KCND2: variants seen among roughly 807,000 people sequenced by gnomAD.
The protein encoded by KCND2 is potassium voltage-gated channel subfamily D member 2, also known as A-type voltage-gated potassium channel KCND2.
A neutral mutation model predicts 54.4 loss-of-function variants in KCND2; 16 were observed. The ratio of observed to expected loss-of-function variants is 0.29; its 90% confidence interval spans 0.20 to 0.45. The LOEUF is 0.45. Among genes scored for constraint, KCND2 ranks in the 20% least tolerant of loss-of-function variants. The pLI, the probability that KCND2 is intolerant of heterozygous loss-of-function variation, is 1.00. For missense variants in KCND2, 486 were observed against 824.2 expected, an observed-to-expected ratio of 0.59 and a Z score of 5.02; for synonymous variants, 317 against 310.7, an observed-to-expected ratio of 1.02 and a Z score of -0.21.
chr7:120,641,590 G>A (rs75703612), intron 1 of KCND2, among the ~76,000 whole-genome samples: 1,639 of 152,250 alleles, frequency 0.011, 9 homozygotes, highest in Non-Finnish European at 0.015. Flanking sequence ...GATGCAGTGG[G>A]CTGAAGGATA....
intron 1 of KCND2, among the ~76,000 whole-genome samples, chr7:120,377,198 C>A (rs1378372959): frequency 2.0e-5 from 3 of 151,830 alleles, no homozygotes; most frequent in South Asian, 4.1e-4. Flanking sequence ...GACTTAACTC[C>A]TTCTGAGGAT....
At chr7:120,495,865 A>G (rs115183061) in intron 1 of KCND2, among the ~76,000 whole-genome samples, 126 of 152,286 alleles carry the variant, frequency 8.3e-4, no homozygotes, top group Middle Eastern at 3.4e-3. Context: ...CTGGGCTTTG[A>G]AAAAGTAAAA....
chr7:120,689,811 A>G (rs1792247916), intron 1 of KCND2, among the ~76,000 whole-genome samples: 1 of 152,196 alleles, frequency 6.6e-6, no homozygotes, highest in African/African-American at 2.4e-5. Flanking sequence ...CAAAGACTAA[A>G]CAACTTTTAA....
chr7:120,410,969 C>G (rs1801442095), intron 1 of KCND2, among the ~76,000 whole-genome samples: 1 of 151,650 alleles, frequency 6.6e-6, no homozygotes, highest in African/African-American at 2.4e-5. Flanking sequence ...GGGTTGGTTC[C>G]AAGTTAGGAA....
chr7:120,402,919 A>G (rs1034951013), intron 1 of KCND2, among the ~76,000 whole-genome samples: 1 of 152,184 alleles, frequency 6.6e-6, no homozygotes, highest in African/African-American at 2.4e-5. Context: ...TAGATATTCA[A>G]TCCTTTAAGC....
At chr7:120,543,493 T>C (rs901412161) in intron 1 of KCND2, among the ~76,000 whole-genome samples, 2 of 152,108 alleles carry the variant, frequency 1.3e-5, no homozygotes, top group Non-Finnish European at 2.9e-5. Flanking sequence ...TAGTTAAAAA[T>C]GAATTCCTGA....
intron 1 of KCND2, among the ~76,000 whole-genome samples, chr7:120,299,639 C>G (rs991092885): frequency 4.6e-5 from 7 of 152,152 alleles, no homozygotes; most frequent in Non-Finnish European, 7.3e-5. Flanking sequence ...CTTCTTTCAT[C>G]AAGTTCTCTG....
intron 1 of KCND2, among the ~76,000 whole-genome samples, chr7:120,545,168 G>C (rs1288674482): frequency 1.3e-5 from 2 of 151,870 alleles, no homozygotes; most frequent in Non-Finnish European, 2.9e-5. Context: ...AAAGAAACTT[G>C]ATGTATGCTG....
chr7:120,495,448 G>A (rs1802835475), intron 1 of KCND2, among the ~76,000 whole-genome samples: 1 of 152,022 alleles, frequency 6.6e-6, no homozygotes, highest in Non-Finnish European at 1.5e-5. Flanking sequence ...TAAGGTCACT[G>A]TGTCCCTTTC....
At chr7:120,363,750 A>T (rs1278237361) in intron 1 of KCND2, among the ~76,000 whole-genome samples, 2 of 152,090 alleles carry the variant, frequency 1.3e-5, no homozygotes, top group African/African-American at 4.8e-5. Context: ...CAAACTCTTT[A>T]CAGTAGTCAA....
intron 1 of KCND2, among the ~76,000 whole-genome samples, chr7:120,471,684 C>T (rs780856502): frequency 6.6e-6 from 1 of 152,192 alleles, no homozygotes; most frequent in African/African-American, 2.4e-5. Context: ...CATGAGGAGA[C>T]TGATGATGAC....
intron 1 of KCND2, among the ~76,000 whole-genome samples, chr7:120,390,979 C>A (rs1343403925): frequency 6.6e-6 from 1 of 151,924 alleles, no homozygotes; most frequent in Non-Finnish European, 1.5e-5. Context: ...TATATATGTG[C>A]CATGGTGGTT....
intron 1 of KCND2, among the ~76,000 whole-genome samples, chr7:120,342,705 T>C (rs1800257994): frequency 6.6e-6 from 1 of 152,134 alleles, no homozygotes; most frequent in Non-Finnish European, 1.5e-5. Flanking sequence ...GAGTAGAATC[T>C]AAATGCATAA....
intron 1 of KCND2, among the ~76,000 whole-genome samples, chr7:120,551,053 A>T (rs990154246): frequency 6.6e-6 from 1 of 152,236 alleles, no homozygotes; most frequent in Non-Finnish European, 1.5e-5. Flanking sequence ...AAAGTTCAAT[A>T]TAGCCTCATG....
At chr7:120,715,408 T>C (rs572343329) in intron 1 of KCND2, among the ~76,000 whole-genome samples, 1 of 152,212 alleles carries the variant, frequency 6.6e-6, no homozygotes, top group South Asian at 2.1e-4. Flanking sequence ...TTCATGTTAA[T>C]AACAACTTCT....
chr7:120,386,233 T>G (rs2116039881), intron 1 of KCND2, among the ~76,000 whole-genome samples: 1 of 152,288 alleles, frequency 6.6e-6, no homozygotes, highest in African/African-American at 2.4e-5. Context: ...CATTTTGCTA[T>G]AATAAAAATC....
At chr7:120,339,691 A>G (rs1162984103) in intron 1 of KCND2, among the ~76,000 whole-genome samples, 1 of 152,202 alleles carries the variant, frequency 6.6e-6, no homozygotes, top group Non-Finnish European at 1.5e-5. Context: ...ACGTGCGCAC[A>G]TAGACATGTG....
In KCND2 at chr7:120,451,937, G is replaced by A. The variant is rs533397977; in HGVS notation, c.1115+176190G>A. Among the ~76,000 whole-genome samples the A allele has an allele frequency of 4.6e-5, 7 of 152,304 alleles. No homozygotes were observed. In the South Asian group the frequency reaches 1.5e-3, roughly 32 times the overall value. ...AAGAGTCAACTTTAGCACTCTTCCT[G>A]TTTTGTGAACTGTTTAGATAGTCTA... On this transcript the variant is annotated intron_variant, in intron 1 of 5. Transcript: ENST00000331113.
At position 120,309,472 on chromosome 7, in the gene KCND2, TATACACACACACAC is replaced by T. The variant is rs1470509477; in HGVS notation, c.1115+33727_1115+33740del. ...GAAAACATATATATATATATATATATATACACACACACACACACACACACACACACATATGTATG... is the reference window on the plus strand; with the variant it reads ...GAAAACATATATATATATATATATATACACACACACACACACATATGTATG... On this transcript the variant is annotated intron_variant, in intron 1 of 5. Transcript: ENST00000331113. 7.9e-3 allele frequency among the ~76,000 whole-genome samples: 973 copies of T among 122,608 alleles called. 14 individuals carry two copies. Among genetic ancestry groups the T allele is most frequent in the African/African-American group, 0.027 (909 of 33,358 alleles). 80.4% of individuals were successfully genotyped at this position (122,608 alleles called of 152,430 possible). A position where few individuals can be genotyped will look rare whatever the true frequency, so the allele number is the denominator to read the frequency against.
Sources: allele counts gnomAD v4.1 joint callset (sites outside exome capture counted in the v4.1 genomes callset), GRCh38; gene constraint gnomAD v4.1.1; transcripts MANE v1.5; gene names NCBI Gene and HGNC (gene_info 2026-07-23, HGNC 2026-07-21).